Variants in ITGA4 observed in about 807,000 individuals in gnomAD.
ITGA4 encodes the protein integrin alpha-4.
In ITGA4, 63 loss-of-function variants were observed where a neutral mutation model predicts 133.6. That is an observed-to-expected ratio of 0.47 (90% CI 0.38 to 0.58). ITGA4 has a LOEUF of 0.58. Ranked by LOEUF, ITGA4 falls within the 20% of genes least tolerant of loss-of-function variation. The pLI is 0.00. For missense variants in ITGA4, 1,076 were observed against 1,252.7 expected, an observed-to-expected ratio of 0.86 and a Z score of 2.13; for synonymous variants, 483 against 438.0, an observed-to-expected ratio of 1.10 and a Z score of -1.28.
intron 2 of ITGA4, among the ~76,000 whole-genome samples, chr2:181,460,725 T>G (rs1002223209): frequency 1.3e-5 from 2 of 152,166 alleles, no homozygotes; most frequent in Non-Finnish European, 2.9e-5. Context: ...TCTTCTTTAT[T>G]GTTTACTTAA....
rs1686133766 is a variant in ITGA4, at chr2:181,495,227, T to A, written c.1340-144T>A. ...ATTCAGAGAAAAGTGGAAAGAATCG[T>A]AAGATGTTAGCATATATTCTCTAAT... On this transcript the variant is annotated intron_variant, in intron 12 of 27. Transcript: ENST00000397033. The surrounding 1 kb of genome is among the most constrained non-coding windows in gnomAD (Gnocchi z 4.3). The A allele has an allele frequency of 3.2e-6, 2 of 624,936 alleles. No individual in the cohort carries two copies. Among genetic ancestry groups the A allele is most frequent in the South Asian group, 4.1e-5 (2 of 48,814 alleles). 38.7% of individuals were successfully genotyped at this position (624,936 alleles called of 1,614,324 possible).
intron 2 of ITGA4, among the ~76,000 whole-genome samples, chr2:181,468,339 G>A (rs952658273): frequency 6.6e-6 from 1 of 152,140 alleles, no homozygotes; most frequent in Non-Finnish European, 1.5e-5. Flanking sequence ...CCTCTCCAAA[G>A]CTTAGATCTC....
In ITGA4 at chr2:181,536,114, G is replaced by C. The variant is rs1187781702; in HGVS notation, c.*587G>C. 2 of 151,788 alleles carry C rather than the reference G, an allele frequency of 1.3e-5. No homozygotes were observed. Among genetic ancestry groups the C allele is most frequent in the Admixed American group, 1.3e-4 (2 of 15,202 alleles). 9.4% of individuals were successfully genotyped at this position (151,788 alleles called of 1,614,324 possible). On this transcript the variant is annotated 3_prime_UTR_variant, in exon 28 of 28. Transcript: ENST00000397033. ...TTTTCAGCAGACTATGAATATTATA[G>C]TATTATAGGCCAAACTGGCAAACTT...
intron 16 of ITGA4, among the ~76,000 whole-genome samples, chr2:181,511,209 AC>A (rs1559052038): frequency 2.0e-4 from 5 of 24,818 alleles, no homozygotes; most frequent in African/African-American, 9.8e-4. Flanking sequence ...TGAAACCCTT[AC>A]TTATTTAATT....
intron 15 of ITGA4, among the ~76,000 whole-genome samples, chr2:181,508,830 A>G (rs1210383580): frequency 2.6e-5 from 4 of 152,210 alleles, no homozygotes; most frequent in East Asian, 1.9e-4. Context: ...GTTAGAAAAG[A>G]TAATAGAAAA....
chr2:181,457,344 C>A, upstream of ITGA4: 2 of 320,382 alleles, frequency 6.2e-6, no homozygotes, highest in South Asian at 3.5e-5. Flanking sequence ...CCCTGCGCCT[C>A]CGCACCACGC....
Position 181,536,777 on chromosome 2 carries a change from T to TAAA in ITGA4, c.*1250_*1251insAAA. 1 of 249,564 alleles carries TAAA rather than the reference T, an allele frequency of 4.0e-6. No individual in the cohort carries two copies. The highest frequency in any genetic ancestry group is 8.1e-6 in the Non-Finnish European group (1 of 124,160). The allele number at this position is 249,564 out of a possible 1,614,324, so 15.5% of individuals were successfully genotyped here. ...AAATTTCTTTAAATACAATCATTTT[T>TAAA]GTAATATTTATTTTATGCTTATGAT... is the stretch of plus-strand genomic sequence containing the variant. On this transcript the variant is annotated 3_prime_UTR_variant, in exon 28 of 28. Coordinates refer to ENST00000397033, the MANE Select transcript of ITGA4 (RefSeq NM_000885.6).
chr2:181,501,107 G>A (rs1054135687), intron 15 of ITGA4, among the ~76,000 whole-genome samples: 2 of 152,134 alleles, frequency 1.3e-5, no homozygotes, highest in East Asian at 3.9e-4. Context: ...GTTTTAGGGT[G>A]TAATAGCAAC....
At chr2:181,494,685 CA>C in intron 11 of ITGA4, 36 bp from the exon 12 acceptor site, 3 of 1,113,614 alleles carry the variant, frequency 2.7e-6, no homozygotes, top group Non-Finnish European at 1.4e-6. Flanking sequence ...TATTAGTATT[CA>C]AAAACTACTT....
intron 2 of ITGA4, among the ~76,000 whole-genome samples, chr2:181,469,703 G>A (rs929012504): frequency 6.6e-6 from 1 of 152,106 alleles, no homozygotes; most frequent in Admixed American, 6.5e-5. Flanking sequence ...AAGAAAATGT[G>A]GCACATATAC....
At chr2:181,508,867 G>A (rs1686445306) in intron 15 of ITGA4, among the ~76,000 whole-genome samples, 1 of 151,802 alleles carries the variant, frequency 6.6e-6, no homozygotes, top group African/African-American at 2.4e-5. Context: ...AAAGGGCTGG[G>A]TATGGTGGCT....
intron 2 of ITGA4, among the ~76,000 whole-genome samples, chr2:181,461,714 C>A (rs952135142): frequency 2.0e-5 from 3 of 152,090 alleles, no homozygotes; most frequent in Admixed American, 2.0e-4. Context: ...GTTTCCAGAT[C>A]TTTCATTACT....
chr2:181,535,466 T>C lies in ITGA4; in HGVS notation c.3038T>C (p.Leu1013Pro). 1 of 1,609,876 alleles carries C rather than the reference T, an allele frequency of 6.2e-7. No homozygotes were observed. The highest frequency in any genetic ancestry group is 1.3e-5 in the African/African-American group (1 of 74,794). The change falls in exon 28 of 28, where the codon CTA becomes CCA. Residue 1013 changes from leucine to proline, a missense_variant. Physicochemically the swap from Leu to Pro is moderately conservative, Grantham distance 98. Transcript: ENST00000397033. ...GFFKRQYKSILQEENRRDSWS... is the reference protein window; with the variant it reads ...GFFKRQYKSIPQEENRRDSWS... ...TTTAAAAGACAATACAAATCTATCC[T>C]ACAAGAAGAAAACAGAAGAGACAGT... is the stretch of plus-strand genomic sequence containing the variant.
chr2:181,527,461 T>C (rs750111685), intron 22 of ITGA4, 74 bp downstream of exon 22: 24 of 1,014,578 alleles, frequency 2.4e-5, no homozygotes, highest in East Asian at 7.6e-5. Context: ...CCAAGGGACA[T>C]TGTACACCTA....
intron 17 of ITGA4, among the ~76,000 whole-genome samples, chr2:181,519,976 CTG>C (rs1202826214): frequency 3.9e-5 from 6 of 152,034 alleles, no homozygotes; most frequent in African/African-American, 4.8e-5. Context: ...TTTTTGAAGA[CTG>C]TGTTGTTAGG....
At chr2:181,487,831 C>G (rs1685955649) in intron 10 of ITGA4, among the ~76,000 whole-genome samples, 1 of 152,100 alleles carries the variant, frequency 6.6e-6, no homozygotes, top group South Asian at 2.1e-4. Flanking sequence ...AAAACATAAG[C>G]CTTATTTCGT....
Position 181,494,773 on chromosome 2 carries a change from A to G in ITGA4, c.1300A>G (p.Ile434Val). 3 of 1,599,816 alleles carry G rather than the reference A, an allele frequency of 1.9e-6. No individual in the cohort carries two copies. Among genetic ancestry groups the G allele is most frequent in the Non-Finnish European group, 2.6e-6 (3 of 1,167,146 alleles). ...ATCGTTAAGTATGTTTGGACAGTCTATATCAGGACAAATTGATGCAGATAA... is the reference window on the plus strand; with the variant it reads ...ATCGTTAAGTATGTTTGGACAGTCTGTATCAGGACAAATTGATGCAGATAA... The part of the protein sequence containing the change: ...SKSLSMFGQS[I>V]SGQIDADNNG... Residue 434 changes from isoleucine to valine, a missense_variant, in exon 12 of 28, where the codon ATA becomes GTA. Transcript: ENST00000397033.
rs1254533562 is a variant in ITGA4, at chr2:181,537,771, CAG to C, written c.*2246_*2247del. ...AAGAATTTGAATTGATATCTAAAAA[CAG>C]AATTTGAATTGATATTTCATCTTGA... On this transcript the variant is annotated 3_prime_UTR_variant, in exon 28 of 28. Transcript: ENST00000397033. The C allele has an allele frequency of 3.4e-4, 151 of 449,542 alleles. No homozygotes were observed. Among genetic ancestry groups the C allele is most frequent in the African/African-American group, 2.8e-3 (140 of 49,786 alleles). The allele number at this position is 449,542 out of a possible 1,614,324, so 27.8% of individuals were successfully genotyped here.
intron 2 of ITGA4, among the ~76,000 whole-genome samples, chr2:181,470,882 A>C (rs1219172131): frequency 6.6e-6 from 1 of 152,100 alleles, no homozygotes; most frequent in Non-Finnish European, 1.5e-5. Context: ...CTCCCTAAAA[A>C]ATAAAAAGAG....
Sources: allele counts gnomAD v4.1 joint callset (sites outside exome capture counted in the v4.1 genomes callset), GRCh38; gene constraint gnomAD v4.1.1; non-coding constraint Gnocchi (gnomAD v3.1); transcripts MANE v1.5; gene names NCBI Gene and HGNC (gene_info 2026-07-23, HGNC 2026-07-21).